Variants in COL19A1 observed in about 807,000 individuals in gnomAD.
The protein encoded by COL19A1 is collagen alpha-1(XIX) chain.
COL19A1 carries 159 observed loss-of-function variants against 190.2 expected under a neutral mutation model. The ratio of observed to expected loss-of-function variants is 0.84; its 90% CI spans 0.73 to 0.95. The LOEUF (loss-of-function observed/expected upper bound fraction) is 0.95. COL19A1 is among the 40% of genes least tolerant of loss of function. The probability of loss-of-function intolerance (pLI) is 0.00; values close to 1 mark genes in which losing one functional copy is unlikely to be tolerated. For missense variants in COL19A1, 1,418 were observed against 1,431.9 expected, an observed-to-expected ratio of 0.99 and a Z score of 0.16; for synonymous variants, 509 against 458.9, an observed-to-expected ratio of 1.11 and a Z score of -1.39.
chr6:70,184,983 C>T (rs1487242288), intron 46 of COL19A1, 68 bp downstream of exon 46: 2 of 1,489,174 alleles, frequency 1.3e-6, no homozygotes, highest in East Asian at 2.3e-5. Context: ...ATTTGAGTTA[C>T]ACAATTATGT....
chr6:69,938,218 C>G, intron 9 of COL19A1, 118 bp downstream of exon 9: 1 of 932,996 alleles, frequency 1.1e-6, no homozygotes, highest in Non-Finnish European at 1.6e-6. Flanking sequence ...AAAAGGCTAT[C>G]AAAGACTATA....
chr6:70,212,136 T>C lies in COL19A1; in HGVS notation c.*4862T>C, dbSNP rs749792914. On this transcript the variant is annotated 3_prime_UTR_variant, in exon 51 of 51. Transcript: ENST00000620364. ...TGCTGGCTATTTTACAACTTTTTAT[T>C]GTATTGTGTTATGCAAAGTACATTT... Among the ~76,000 whole-genome samples, 10 of 152,210 alleles carry C rather than the reference T, an allele frequency of 6.6e-5. No homozygotes were observed. Among genetic ancestry groups the C allele is most frequent in the Non-Finnish European group, 1.3e-4 (9 of 68,014 alleles).
At chr6:70,045,576 C>T (rs983239508) in intron 14 of COL19A1, among the ~76,000 whole-genome samples, 2 of 152,176 alleles carry the variant, frequency 1.3e-5, no homozygotes, top group Non-Finnish European at 2.9e-5. Flanking sequence ...CTCTGTTTCT[C>T]CTACAGCTGG....
intron 2 of COL19A1, among the ~76,000 whole-genome samples, chr6:69,884,109 C>T (rs540622243): frequency 3.3e-5 from 5 of 151,876 alleles, no homozygotes; most frequent in Admixed American, 1.3e-4. Flanking sequence ...CCGAGGCAGG[C>T]GGATTGCCTG....
intron 2 of COL19A1, among the ~76,000 whole-genome samples, chr6:69,896,175 G>A (rs1387000767): frequency 1.3e-5 from 2 of 150,732 alleles, no homozygotes; most frequent in East Asian, 2.0e-4. Context: ...ACCCATTTTG[G>A]GGCACTCCTT....
At chr6:70,173,171 C>T (rs1765595934) in intron 41 of COL19A1, among the ~76,000 whole-genome samples, 1 of 152,082 alleles carries the variant, frequency 6.6e-6, no homozygotes, top group East Asian at 1.9e-4. Flanking sequence ...GTACGTGAGA[C>T]CAAATTTGGA....
chr6:70,066,791 T>G (rs1781246376), intron 14 of COL19A1, among the ~76,000 whole-genome samples: 2 of 152,062 alleles, frequency 1.3e-5, no homozygotes, highest in Admixed American at 6.6e-5. Context: ...CAAAAGAATT[T>G]CTTCTGGAAT....
intron 39 of COL19A1, 120 bp from the exon 40 acceptor site, chr6:70,168,535 A>G (rs576486461): frequency 1.2e-6 from 1 of 853,392 alleles, no homozygotes; most frequent in Non-Finnish European, 1.8e-6. Context: ...TCAAACTGTA[A>G]TTAAAGCAAA....
In COL19A1 at chr6:70,102,209, C is replaced by T. The variant is rs780510729; in HGVS notation, c.1265C>T (p.Pro422Leu). 5.6e-6 allele frequency: 9 copies of T among 1,612,298 alleles called. No homozygotes were observed. In the South Asian group the frequency reaches 8.8e-5, roughly 16 times the overall value. ...ACAGGACCTCCCGGAAAACCAGGAC[C>T]CCCAGGACCACCTGTGAGTAAACAA... is the stretch of plus-strand genomic sequence containing the variant. Reference protein sequence around the residue: ...GKTGPPGKPGPPGPPGPPGIQ... With the variant: ...GKTGPPGKPGLPGPPGPPGIQ... Residue 422 changes from proline (P) to leucine (L), a missense_variant, in exon 16 of 51, where the codon CCC (proline) becomes CTC (leucine). Physicochemically the swap from Pro to Leu is moderately conservative, Grantham distance 98 (BLOSUM62 -3). Coordinates refer to ENST00000620364, the MANE Select transcript of COL19A1 (RefSeq NM_001858.6).
chr6:70,126,556 G>A (rs894734864), intron 17 of COL19A1, among the ~76,000 whole-genome samples: 42 of 152,268 alleles, frequency 2.8e-4, no homozygotes, highest in African/African-American at 7.5e-4. Context: ...CCACACTTGC[G>A]GCTGGTGAAA....
intron 11 of COL19A1, among the ~76,000 whole-genome samples, chr6:69,997,268 C>T (rs539461696): frequency 2.4e-4 from 37 of 152,066 alleles, no homozygotes; most frequent in Non-Finnish European, 2.8e-4. Flanking sequence ...CAGCTTCTGT[C>T]CAAACAACTA....
intron 11 of COL19A1, among the ~76,000 whole-genome samples, chr6:69,997,026 T>TATATAGAGAGAGAG (rs576813975): frequency 6.8e-6 from 1 of 146,902 alleles, no homozygotes; most frequent in African/African-American, 2.6e-5. Flanking sequence ...TATATATATA[T>TATATAGAGAGAGAG]AGAGAGAGAG....
At chr6:70,106,329 C>CATGTGTGTGTGT (rs59608953) in intron 16 of COL19A1, among the ~76,000 whole-genome samples, 8 of 149,446 alleles carry the variant, frequency 5.4e-5, no homozygotes, top group South Asian at 2.1e-4. Flanking sequence ...TAAGTGTGTG[C>CATGTGTGTGTGT]GTGTGTGTGT....
At chr6:70,077,329 C>T (rs1258735750) in intron 15 of COL19A1, among the ~76,000 whole-genome samples, 1 of 152,050 alleles carries the variant, frequency 6.6e-6, no homozygotes, top group African/African-American at 2.4e-5. Context: ...ATATGATGTA[C>T]GTAGATTGTA....
At chr6:69,969,655 G>A (rs1775311557) in intron 11 of COL19A1, among the ~76,000 whole-genome samples, 1 of 152,116 alleles carries the variant, frequency 6.6e-6, no homozygotes, top group South Asian at 2.1e-4. Context: ...GTAAACTAGA[G>A]ATTATTTAAA....
At chr6:70,095,233 C>G (rs117768394) in intron 15 of COL19A1, among the ~76,000 whole-genome samples, 2,791 of 152,242 alleles carry the variant, frequency 0.018, 44 homozygotes, top group Non-Finnish European at 0.028. Context: ...CAAATATATA[C>G]TTTTCCATTG....
intron 15 of COL19A1, among the ~76,000 whole-genome samples, chr6:70,085,999 A>G (rs544666503): frequency 1.3e-5 from 2 of 152,286 alleles, no homozygotes; most frequent in East Asian, 3.9e-4. Context: ...AGGTTTTTCT[A>G]TCAGAGAAAA....
intron 15 of COL19A1, among the ~76,000 whole-genome samples, chr6:70,077,390 T>C (rs1386547787): frequency 1.3e-5 from 2 of 152,230 alleles, no homozygotes; most frequent in Non-Finnish European, 2.9e-5. Context: ...AGAGTCGCTC[T>C]TGAATTCTTC....
At chr6:69,909,451 T>C (rs1285872251) in intron 4 of COL19A1, among the ~76,000 whole-genome samples, 1 of 152,104 alleles carries the variant, frequency 6.6e-6, no homozygotes, top group Non-Finnish European at 1.5e-5. Context: ...CAAAATCTCT[T>C]ATATTTGGGA....
Sources: gnomAD v4.1 joint callset for allele counts (sites outside exome capture counted in the v4.1 genomes callset) on GRCh38, gnomAD v4.1.1 for gene constraint, MANE v1.5 for transcripts, NCBI Gene and HGNC (gene_info 2026-07-23, HGNC 2026-07-21) for gene names.